NRG2: variants seen among roughly 807,000 people sequenced by gnomAD.
The protein encoded by NRG2 is pro-neuregulin-2, membrane-bound isoform.
A neutral mutation model predicts 73.9 loss-of-function variants in NRG2; 27 were observed. The ratio of observed to expected loss-of-function variants is 0.37; its 90% CI spans 0.27 to 0.50. NRG2 has a LOEUF of 0.50. Ranked by LOEUF, NRG2 falls within the 20% of genes least tolerant of loss-of-function variation. The pLI, the probability that NRG2 is intolerant of heterozygous loss-of-function variation, is 0.96. For synonymous variants in NRG2, 532 were observed against 541.0 expected, an observed-to-expected ratio of 0.98 and a Z score of 0.23; for missense variants, 1,126 against 1,210.1, an observed-to-expected ratio of 0.93 and a Z score of 1.03.
chr5:140,014,336 A>C (rs2126651367), intron 1 of NRG2, among the ~76,000 whole-genome samples: 1 of 152,194 alleles, frequency 6.6e-6, no homozygotes, highest in South Asian at 2.1e-4. Context: ...TCCTGGGTTC[A>C]AGCATTTCTC....
At chr5:139,973,574 C>G (rs993167407) in intron 1 of NRG2, among the ~76,000 whole-genome samples, 4 of 152,212 alleles carry the variant, frequency 2.6e-5, no homozygotes, top group Admixed American at 2.6e-4. Flanking sequence ...GTTGCCCACA[C>G]TGGTCTCAAA....
In NRG2 at chr5:139,932,619, T is replaced by C. The variant is rs1752561608; in HGVS notation, c.701-45108A>G. 2.6e-5 allele frequency among the ~76,000 whole-genome samples: 4 copies of C among 152,310 alleles called. No homozygotes were observed. The South Asian group carries it at 8.3e-4, about 32-fold the overall frequency. ...GGATTTTGGTTCATTAAGTAGATTT[T>C]ATCTGTCCTTATCACACAAAAAATA... On this transcript the variant is annotated intron_variant, in intron 1 of 9. Transcript: ENST00000361474.
intron 1 of NRG2, among the ~76,000 whole-genome samples, chr5:139,967,745 G>A (rs764536154): frequency 5.3e-5 from 8 of 152,016 alleles, no homozygotes; most frequent in African/African-American, 1.2e-4. Context: ...AGGCCGAGGC[G>A]GGTGGGAGAT....
chr5:139,905,945 C>T (rs1478099610), intron 1 of NRG2, among the ~76,000 whole-genome samples: 4 of 152,220 alleles, frequency 2.6e-5, no homozygotes, highest in African/African-American at 7.2e-5. Flanking sequence ...AGACAATGGT[C>T]TCCTTGCTTG....
chr5:139,930,895 A>G (rs1752423895), intron 1 of NRG2, among the ~76,000 whole-genome samples: 2 of 152,230 alleles, frequency 1.3e-5, no homozygotes, highest in Admixed American at 6.5e-5. Flanking sequence ...CCACAGATTT[A>G]TCTGGGTCTG....
chr5:139,938,909 G>A (rs867525838), intron 1 of NRG2, among the ~76,000 whole-genome samples: 42 of 42,954 alleles, frequency 9.8e-4, no homozygotes, highest in South Asian at 3.3e-3. Flanking sequence ...AGAAAGAAAA[G>A]AAAGAAAGAA....
Position 139,851,879 on chromosome 5 carries a change from C to T in NRG2, c.1545-48G>A, listed in dbSNP as rs751088085. On this transcript the variant is annotated intron_variant, in intron 8 of 9. Coordinates refer to ENST00000361474, the MANE Select transcript of NRG2 (RefSeq NM_004883.3). The surrounding 1 kb of genome is among the most constrained non-coding windows in gnomAD (Gnocchi z 4.2). ...GACGAGGGGTCAGGAAGGGGCAGGG[C>T]GGCCCAGCAGGTGTGGTCCCATGGA... 8.4e-5 allele frequency: 131 copies of T among 1,562,308 alleles called. No homozygotes were observed. Among genetic ancestry groups the T allele is most frequent in the Non-Finnish European group, 1.1e-4 (122 of 1,140,966 alleles).
chr5:140,006,268 T>C (rs1239750913), intron 1 of NRG2, among the ~76,000 whole-genome samples: 4 of 152,210 alleles, frequency 2.6e-5, no homozygotes, highest in African/African-American at 9.6e-5. Context: ...TGGAGATTGT[T>C]CAGCTTCGGT....
intron 1 of NRG2, among the ~76,000 whole-genome samples, chr5:139,925,974 TTA>T (rs1301573398): frequency 2.6e-5 from 4 of 152,122 alleles, no homozygotes; most frequent in Non-Finnish European, 1.5e-5. Context: ...CCAGGCAACT[TTA>T]TCTTATTTCC....
chr5:139,851,659 C>T lies in NRG2; in HGVS notation c.1717G>A (p.Ala573Thr), dbSNP rs760899111. 24 of 1,613,982 alleles carry T rather than the reference C, an allele frequency of 1.5e-5. No individual in the cohort carries two copies. The highest frequency in any genetic ancestry group is 4.5e-5 in the East Asian group (2 of 44,884). The change falls in exon 9 of 10, where the codon GCG (alanine) becomes ACG (threonine). Residue 573 changes from alanine to threonine, a missense_variant. Ala to Thr is a moderately conservative substitution (Grantham distance 58). Around this residue, in one of 3 missense-constraint regions of NRG2, gnomAD observed 539 missense variants for 703.2 expected, o/e 0.77. Coordinates refer to ENST00000361474, the MANE Select transcript of NRG2 (RefSeq NM_004883.3). This position sits in a 1 kb window ranked among gnomAD's most constrained non-coding sequence, Gnocchi z 4.2. ...TCCACGGAATCGTGATAGGGTGGCG[C>T]GGTGGCCCTGCGCCGCTCCTCCAGG... ...YNLEERRRAT[A>T]PPYHDSVDSL...
intron 1 of NRG2, among the ~76,000 whole-genome samples, chr5:139,997,125 A>C (rs1758080407): frequency 6.6e-6 from 1 of 152,252 alleles, no homozygotes; most frequent in Non-Finnish European, 1.5e-5. Context: ...CTGGGCAACC[A>C]GAATGAGATC....
rs565510167 is a variant in NRG2, at chr5:139,871,971, G to T, written c.992-130C>A. The T allele has an allele frequency of 7.1e-6, 9 of 1,272,742 alleles. No individual in the cohort carries two copies. In the African/African-American group the frequency reaches 9.0e-5, roughly 13 times the overall value. The allele number at this position is 1,272,742 out of a possible 1,614,324, so 78.8% of individuals were successfully genotyped here. A position where few individuals can be genotyped will look rare whatever the true frequency, so the allele number is the denominator to read the frequency against. ...CTGCAGGAATGACTGGGGAGGGGAG[G>T]TCTGGTGGTCCCTTCTAGTCACAAA... On this transcript the variant is annotated intron_variant, in intron 3 of 9. Coordinates refer to ENST00000361474, the MANE Select transcript of NRG2 (RefSeq NM_004883.3).
intron 3 of NRG2, among the ~76,000 whole-genome samples, chr5:139,880,026 G>A (rs1292178617): frequency 1.3e-5 from 2 of 152,188 alleles, no homozygotes; most frequent in Admixed American, 6.5e-5. Context: ...GGTAATGACA[G>A]ATACAGGATT....
In NRG2 at chr5:139,871,851, T is replaced by TGA; in HGVS notation, c.992-12_992-11dup. The TGA allele has an allele frequency of 1.2e-6, 2 of 1,613,374 alleles. No individual in the cohort carries two copies. The highest frequency in any genetic ancestry group is 1.7e-6 in the Non-Finnish European group (2 of 1,179,550). ...GACAGGGTGGTGCTCACTGAGGGTA[T>TGA]GAGAGACATGTGCCAGTGACGCACT... is the stretch of plus-strand genomic sequence containing the variant. On this transcript the variant is annotated splice_polypyrimidine_tract_variant and intron_variant, in intron 3 of 9. Coordinates refer to ENST00000361474, the MANE Select transcript of NRG2 (RefSeq NM_004883.3).
intron 1 of NRG2, among the ~76,000 whole-genome samples, chr5:139,944,470 C>CT (rs1043741074): frequency 2.0e-5 from 3 of 151,936 alleles, no homozygotes; most frequent in African/African-American, 7.3e-5. Flanking sequence ...TTGAGATCAA[C>CT]TTTTTTTTAG....
intron 1 of NRG2, among the ~76,000 whole-genome samples, chr5:139,899,181 G>A (rs1764727293): frequency 6.6e-6 from 1 of 152,204 alleles, no homozygotes; most frequent in South Asian, 2.1e-4. Flanking sequence ...GGAACTGACA[G>A]GCCCTCTACA....
rs73273410 is a variant in NRG2, at chr5:139,964,341, T to C, written c.701-76830A>G. Among the ~76,000 whole-genome samples, 598 of 146,278 alleles carry C rather than the reference T, an allele frequency of 4.1e-3. 4 individuals are homozygous for C. The highest frequency in any genetic ancestry group is 0.015 in the African/African-American group (583 of 38,704). ...TCCAGAGAGAATGTATGGTTAGTCA[T>C]ACACAGAAATACAGATACACACACA... On this transcript the variant is annotated intron_variant, in intron 1 of 9. Transcript: ENST00000361474.
At chr5:139,936,162 A>G (rs1752842495) in intron 1 of NRG2, among the ~76,000 whole-genome samples, 1 of 152,040 alleles carries the variant, frequency 6.6e-6, no homozygotes, top group South Asian at 2.1e-4. Flanking sequence ...GTAAATAGAA[A>G]AAAGAAATAA....
At chr5:139,881,478 C>T (rs1763523205) in intron 2 of NRG2, among the ~76,000 whole-genome samples, 1 of 152,238 alleles carries the variant, frequency 6.6e-6, no homozygotes, top group African/African-American at 2.4e-5. Flanking sequence ...CTCCCTTGTT[C>T]TCAAAATCAG....
Sources: gnomAD v4.1 joint callset for allele counts (sites outside exome capture counted in the v4.1 genomes callset) on GRCh38, gnomAD v4.1.1 for gene constraint, gnomAD v4.1.1 regional missense constraint, Gnocchi (gnomAD v3.1) non-coding constraint, MANE v1.5 for transcripts, NCBI Gene and HGNC (gene_info 2026-07-23, HGNC 2026-07-21) for gene names.